The following SMYD3 variants were observed in gnomAD, a reference collection of about 807,000 sequenced individuals.
The protein encoded by SMYD3 is histone-lysine N-methyltransferase SMYD3.
SMYD3 carries 36 observed loss-of-function variants against 57.7 expected under a neutral mutation model. The ratio of observed to expected loss-of-function variants is 0.62; its 90% CI spans 0.48 to 0.82. The LOEUF is 0.82. Among genes scored for constraint, SMYD3 ranks in the 40% least tolerant of loss-of-function variants. SMYD3 has a pLI of 0.00. For missense variants in SMYD3, 515 were observed against 538.8 expected (o/e 0.96, Z 0.44); for synonymous variants, 211 against 195.0 (o/e 1.08, Z -0.68).
chr1:246,269,312 T>C (rs1433838478), intron 5 of SMYD3, among the ~76,000 whole-genome samples: 4 of 152,188 alleles, frequency 2.6e-5, no homozygotes, highest in Admixed American at 6.5e-5. Context: ...GCTTCTAAGT[T>C]ATCACTTTAT....
Position 246,074,913 on chromosome 1 carries a change from T to TACACACACACAC in SMYD3, c.532-144988_532-144977dup, listed in dbSNP as rs60103366. On this transcript the variant is annotated intron_variant, in intron 5 of 11. Coordinates refer to ENST00000490107, the MANE Select transcript of SMYD3 (RefSeq NM_001167740.2). Reference sequence around the variant, plus strand: ...CCAATATAATAGCATGCTAAAGCAATACACACACACACACACACACACACA... The same window carrying TACACACACACAC: ...CCAATATAATAGCATGCTAAAGCAATACACACACACACACACACACACACACACACACACACA... Among the ~76,000 whole-genome samples the TACACACACACAC allele has an allele frequency of 6.4e-4, 95 of 148,464 alleles. 1 individual carries two copies. Among genetic ancestry groups the TACACACACACAC allele is most frequent in the African/African-American group, 1.5e-3 (58 of 39,856 alleles).
rs190495816 is a variant in SMYD3 at position 246,205,982 on chromosome 1, T to C, written c.531+121219A>G. Among the ~76,000 whole-genome samples the C allele has an allele frequency of 1.0e-3, 157 of 152,284 alleles. 1 individual carries two copies. Among genetic ancestry groups the C allele is most frequent in the African/African-American group, 3.5e-3 (146 of 41,516 alleles). ...TGAACAAATACTAAATTCACTGGTG[T>C]GATGAATTACCCATCATGCTGTCTT... is the stretch of plus-strand genomic sequence containing the variant. On this transcript the variant is annotated intron_variant, in intron 5 of 11. Coordinates refer to ENST00000490107, the MANE Select transcript of SMYD3 (RefSeq NM_001167740.2).
intron 5 of SMYD3, among the ~76,000 whole-genome samples, chr1:246,074,952 T>A (rs1254618074): frequency 7.6e-6 from 1 of 132,400 alleles, no homozygotes; most frequent in African/African-American, 3.2e-5. Flanking sequence ...ACACACACAC[T>A]TCAGAGGAAT....
rs58470168 is a variant in SMYD3, at chr1:246,107,102, A to AT, written c.532-177166_532-177165insA. Among the ~76,000 whole-genome samples the AT allele has an allele frequency of 1.4e-3, 193 of 142,696 alleles. 1 individual carries two copies. The highest frequency in any genetic ancestry group is 9.0e-3 in the East Asian group (37 of 4,108). 93.6% of individuals were successfully genotyped at this position (142,696 alleles called of 152,430 possible). Reference sequence around the variant, plus strand: ...ATCACAAGGTCAGGAGATCGAGACCACGGTGAAACCCCGTCTCTACTAAAA... The same window carrying AT: ...ATCACAAGGTCAGGAGATCGAGACCATCGGTGAAACCCCGTCTCTACTAAAA... On this transcript the variant is annotated intron_variant, in intron 5 of 11. Coordinates refer to ENST00000490107, the MANE Select transcript of SMYD3 (RefSeq NM_001167740.2).
At chr1:245,913,490 G>A (rs112474815) in intron 8 of SMYD3, among the ~76,000 whole-genome samples, 25,333 of 150,944 alleles carry the variant, frequency 0.17, 2,678 homozygotes, top group East Asian at 0.5. Flanking sequence ...GTGCACATGT[G>A]CCCTAGAACT....
At chr1:245,978,423 C>T (rs1427182558) in intron 5 of SMYD3, among the ~76,000 whole-genome samples, 1 of 152,128 alleles carries the variant, frequency 6.6e-6, no homozygotes, top group Non-Finnish European at 1.5e-5. Context: ...AAAATAAGTA[C>T]AACAGTCACC....
intron 1 of SMYD3, among the ~76,000 whole-genome samples, chr1:246,386,178 G>A (rs1340534230): frequency 1.3e-5 from 2 of 152,166 alleles, no homozygotes; most frequent in African/African-American, 2.4e-5. Context: ...ATGAGCCACC[G>A]CGTCTGGCCT....
At chr1:246,493,629 C>T (rs1452864203) in intron 1 of SMYD3, among the ~76,000 whole-genome samples, 1 of 152,170 alleles carries the variant, frequency 6.6e-6, no homozygotes, top group Non-Finnish European at 1.5e-5. Flanking sequence ...ACACTCACAC[C>T]AATGACTTCA....
intron 5 of SMYD3, among the ~76,000 whole-genome samples, chr1:246,148,755 G>A (rs542641711): frequency 2.3e-4 from 35 of 152,300 alleles, no homozygotes; most frequent in African/African-American, 7.0e-4. Context: ...CTTCTGGAAC[G>A]AAAAGCACAA....
At chr1:246,466,438 A>C (rs1028832148) in intron 1 of SMYD3, among the ~76,000 whole-genome samples, 1 of 152,208 alleles carries the variant, frequency 6.6e-6, no homozygotes, top group African/African-American at 2.4e-5. Context: ...AGAAAACCAA[A>C]TACTGCAGGT....
intron 10 of SMYD3, among the ~76,000 whole-genome samples, chr1:245,780,983 G>A (rs1305982684): frequency 1.3e-5 from 2 of 152,310 alleles, no homozygotes; most frequent in East Asian, 3.9e-4. Flanking sequence ...CTGAGTGAAA[G>A]AAAGCAGTAA....
intron 10 of SMYD3, among the ~76,000 whole-genome samples, chr1:245,806,775 T>C (rs1419593843): frequency 1.3e-5 from 2 of 150,742 alleles, no homozygotes; most frequent in Non-Finnish European, 3.0e-5. Flanking sequence ...CCGGGCGCGG[T>C]GGCGGGCGCC....
At chr1:246,196,433 G>A (rs1319098211) in intron 5 of SMYD3, among the ~76,000 whole-genome samples, 1 of 152,172 alleles carries the variant, frequency 6.6e-6, no homozygotes, top group Non-Finnish European at 1.5e-5. Context: ...CTGTAAAAGA[G>A]AAGCACAAAA....
intron 5 of SMYD3, among the ~76,000 whole-genome samples, chr1:246,193,500 C>G (rs1381056477): frequency 6.6e-6 from 1 of 152,196 alleles, no homozygotes; most frequent in East Asian, 1.9e-4. Context: ...AGAGGCAGCC[C>G]CAGCAGTGGC....
At chr1:246,339,127 G>T (rs2065589759) in intron 2 of SMYD3, among the ~76,000 whole-genome samples, 1 of 152,168 alleles carries the variant, frequency 6.6e-6, no homozygotes, top group African/African-American at 2.4e-5. Flanking sequence ...ATCAAAGGAA[G>T]ACTGTATTTT....
chr1:245,824,907 T>C (rs2049393772), intron 10 of SMYD3, among the ~76,000 whole-genome samples: 1 of 149,128 alleles, frequency 6.7e-6, no homozygotes, highest in Non-Finnish European at 1.5e-5. Flanking sequence ...GGCGTGTACC[T>C]GCAATCCCAG....
intron 11 of SMYD3, among the ~76,000 whole-genome samples, chr1:245,760,290 A>C (rs1310879227): frequency 6.6e-6 from 1 of 152,230 alleles, no homozygotes; most frequent in Non-Finnish European, 1.5e-5. Flanking sequence ...TAAGACAAGA[A>C]AGAGCATCCC....
At chr1:245,769,040 G>A (rs1470644484) in intron 10 of SMYD3, among the ~76,000 whole-genome samples, 1 of 152,108 alleles carries the variant, frequency 6.6e-6, no homozygotes, top group African/African-American at 2.4e-5. Flanking sequence ...TATTTAAATT[G>A]TATCTTAGAG....
Position 246,354,989 on chromosome 1 carries a change from A to C in SMYD3, c.228+42T>G, listed in dbSNP as rs571860053. ...TAGTGAAGGACAAATTTAAGAGTAAAGAATTTGAAAGCTTCACTTATATAT... is the reference window on the plus strand; with the variant it reads ...TAGTGAAGGACAAATTTAAGAGTAACGAATTTGAAAGCTTCACTTATATAT... On this transcript the variant is annotated intron_variant, in intron 2 of 11. Transcript: ENST00000490107. 1.3e-5 allele frequency: 20 copies of C among 1,578,398 alleles called. No individual in the cohort carries two copies. The South Asian group carries it at 1.9e-4, about 15-fold the overall frequency.
Sources: gnomAD v4.1 joint callset for allele counts (sites outside exome capture counted in the v4.1 genomes callset) on GRCh38, gnomAD v4.1.1 for gene constraint, MANE v1.5 for transcripts, NCBI Gene and HGNC (gene_info 2026-07-23, HGNC 2026-07-21) for gene names.